EPB41L4B: variants seen among roughly 807,000 people sequenced by gnomAD.
EPB41L4B encodes band 4.1-like protein 4B.
A neutral mutation model predicts 112.5 loss-of-function variants in EPB41L4B; 30 were observed. That is an observed-to-expected ratio of 0.27 (90% CI 0.20 to 0.36). The LOEUF is 0.36. EPB41L4B is among the 10% of genes least tolerant of loss of function. EPB41L4B has a pLI of 1.00. For synonymous variants in EPB41L4B, 408 were observed against 439.7 expected (o/e 0.93, Z 0.90); for missense variants, 1,024 against 1,133.3 (o/e 0.90, Z 1.38).
chr9:109,205,647 G>A (rs1042358468), intron 18 of EPB41L4B, among the ~76,000 whole-genome samples: 1 of 152,200 alleles, frequency 6.6e-6, no homozygotes, highest in Non-Finnish European at 1.5e-5. Flanking sequence ...GGCTACTACT[G>A]TTATCTGTAA....
At chr9:109,255,732 G>C (rs1241343138) in intron 10 of EPB41L4B, 42 bp downstream of exon 10, 1 of 1,611,942 alleles carries the variant, frequency 6.2e-7, no homozygotes, top group South Asian at 1.1e-5. Flanking sequence ...CCCCAACACA[G>C]GATTTTCACA....
intron 15 of EPB41L4B, 83 bp from the exon 16 acceptor site, chr9:109,217,228 C>T: frequency 8.5e-7 from 1 of 1,182,790 alleles, no homozygotes; most frequent in Non-Finnish European, 1.2e-6. Context: ...GTTTTCTAGG[C>T]ATTAAACACT....
chr9:109,314,044 G>A (rs907506247), intron 1 of EPB41L4B, among the ~76,000 whole-genome samples: 1 of 152,186 alleles, frequency 6.6e-6, no homozygotes, highest in Non-Finnish European at 1.5e-5. Flanking sequence ...CACGAACCTG[G>A]AAAACACACC....
intron 15 of EPB41L4B, chr9:109,241,611 T>C (rs747696127): frequency 5.0e-6 from 8 of 1,608,142 alleles, no homozygotes; most frequent in Non-Finnish European, 6.8e-6. Flanking sequence ...ACACTTTTCA[T>C]GGAATGCAAT....
intron 20 of EPB41L4B, 65 bp from the exon 21 acceptor site, chr9:109,194,462 A>C (rs933321540): frequency 1.9e-6 from 3 of 1,538,942 alleles, no homozygotes; most frequent in Non-Finnish European, 2.7e-6. Context: ...TGAGGAGTGG[A>C]CGGAGGATGG....
chr9:109,303,207 C>T (rs960294573), intron 1 of EPB41L4B, among the ~76,000 whole-genome samples: 1 of 151,374 alleles, frequency 6.6e-6, no homozygotes, highest in Non-Finnish European at 1.5e-5. Flanking sequence ...AGAATATACA[C>T]CAAAATGTTA....
chr9:109,300,648 T>C (rs1259094680), intron 1 of EPB41L4B, among the ~76,000 whole-genome samples: 1 of 151,922 alleles, frequency 6.6e-6, no homozygotes, highest in Non-Finnish European at 1.5e-5. Flanking sequence ...TAGCCAGGCG[T>C]GGTGATGGGC....
intron 23 of EPB41L4B, among the ~76,000 whole-genome samples, chr9:109,185,044 A>G (rs1189087961): frequency 7.9e-5 from 12 of 152,264 alleles, no homozygotes; most frequent in Non-Finnish European, 7.3e-5. Flanking sequence ...ACAAAAAATC[A>G]TGCTAAATTG....
At chr9:109,294,655 G>A (rs1836665672) in intron 1 of EPB41L4B, among the ~76,000 whole-genome samples, 1 of 143,522 alleles carries the variant, frequency 7.0e-6, no homozygotes. Flanking sequence ...GTTTTGTGGA[G>A]TATAATGATA....
intron 20 of EPB41L4B, among the ~76,000 whole-genome samples, chr9:109,195,737 T>C (rs1388143412): frequency 6.6e-6 from 1 of 152,198 alleles, no homozygotes; most frequent in Non-Finnish European, 1.5e-5. Context: ...ATAGCATAGT[T>C]ATTATTATTT....
intron 1 of EPB41L4B, among the ~76,000 whole-genome samples, chr9:109,309,909 T>C (rs1313801531): frequency 1.3e-5 from 2 of 152,160 alleles, no homozygotes; most frequent in Non-Finnish European, 2.9e-5. Flanking sequence ...ATGCCAAGTG[T>C]TGGAGAAGAA....
chr9:109,217,113 G>C lies in EPB41L4B; in HGVS notation c.1442C>G (p.Ser481Trp), dbSNP rs768403763. The C allele has an allele frequency of 4.3e-6, 7 of 1,614,138 alleles. No homozygotes were observed. Among genetic ancestry groups the C allele is most frequent in the Non-Finnish European group, 5.9e-6 (7 of 1,180,040 alleles). ...YPLPSPVLSS[S>W]DRLPFGIEEN... ...CTCAATGCCAAAAGGCAACCGGTCCGAGCTGCTAAGCACTGGGGAAGGGAG... is the reference window on the plus strand; with the variant it reads ...CTCAATGCCAAAAGGCAACCGGTCCCAGCTGCTAAGCACTGGGGAAGGGAG... Residue 481 changes from serine to tryptophan, a missense_variant, in exon 16 of 26, where the codon TCG becomes TGG. By Grantham distance (177) the Ser-to-Trp change is radical. Coordinates refer to ENST00000374566, the MANE Select transcript of EPB41L4B (RefSeq NM_019114.5).
intron 1 of EPB41L4B, among the ~76,000 whole-genome samples, chr9:109,318,707 A>G (rs72746939): frequency 0.025 from 3,827 of 152,280 alleles, 85 homozygotes; most frequent in Non-Finnish European, 0.04. Context: ...TTGTTGGGGA[A>G]CAGTAACATT....
chr9:109,191,137 A>T (rs1246846540), intron 22 of EPB41L4B, among the ~76,000 whole-genome samples: 2 of 152,100 alleles, frequency 1.3e-5, no homozygotes, highest in African/African-American at 4.8e-5. Flanking sequence ...CCCTTCTAGG[A>T]CCCTTTGGCG....
intron 6 of EPB41L4B, among the ~76,000 whole-genome samples, chr9:109,260,235 A>C (rs1390182811): frequency 6.6e-6 from 1 of 151,502 alleles, no homozygotes; most frequent in Non-Finnish European, 1.5e-5. Flanking sequence ...ATACCTGGCT[A>C]ATTTTTGTAT....
At chr9:109,299,036 C>T (rs1475651310) in intron 1 of EPB41L4B, among the ~76,000 whole-genome samples, 2 of 152,116 alleles carry the variant, frequency 1.3e-5, no homozygotes, top group Admixed American at 6.6e-5. Flanking sequence ...ACACACCAGG[C>T]ACTTTGAGGA....
At chr9:109,297,764 C>A (rs1042950648) in intron 1 of EPB41L4B, among the ~76,000 whole-genome samples, 13 of 152,250 alleles carry the variant, frequency 8.5e-5, no homozygotes, top group African/African-American at 2.9e-4. Flanking sequence ...TGGGCCAAGG[C>A]ACAGTCTTGA....
At chr9:109,252,899 G>A (rs534952298) in intron 12 of EPB41L4B, among the ~76,000 whole-genome samples, 68 of 152,136 alleles carry the variant, frequency 4.5e-4, no homozygotes, top group Non-Finnish European at 7.8e-4. Flanking sequence ...GGCCCCAGCT[G>A]TAACTGATGG....
At chr9:109,229,023 A>G (rs1182437261) in intron 15 of EPB41L4B, among the ~76,000 whole-genome samples, 1 of 152,182 alleles carries the variant, frequency 6.6e-6, no homozygotes, top group Non-Finnish European at 1.5e-5. Flanking sequence ...CCTGTTTCAA[A>G]ACATCTCATA....
Sources: allele counts gnomAD v4.1 joint callset (sites outside exome capture counted in the v4.1 genomes callset), GRCh38; gene constraint gnomAD v4.1.1; transcripts MANE v1.5; gene names NCBI Gene and HGNC (gene_info 2026-07-23, HGNC 2026-07-21).